MXI1: variants seen among roughly 807,000 people sequenced by gnomAD.
MXI1 encodes the protein MAX interactor 1, dimerization protein, also known as max-interacting protein 1.
A neutral mutation model predicts 36.9 loss-of-function variants in MXI1; 18 were observed. The observed-to-expected ratio is 0.49, with a 90% CI of 0.34 to 0.72. MXI1 has a LOEUF of 0.72. MXI1 is among the 30% of genes least tolerant of loss of function. The probability of loss-of-function intolerance (pLI) is 0.01; values close to 1 mark genes in which losing one functional copy is unlikely to be tolerated. For synonymous variants in MXI1, 160 were observed against 146.7 expected (o/e 1.09, Z -0.65); for missense variants, 304 against 379.1 (o/e 0.80, Z 1.64).
At chr10:110,260,416 GGT>G (rs151334728) in intron 3 of MXI1, among the ~76,000 whole-genome samples, 37,379 of 144,096 alleles carry the variant, frequency 0.26, 5,371 homozygotes, top group Non-Finnish European at 0.34. Context: ...CCTTGATACA[GGT>G]GTGTGTGTGT....
intron 3 of MXI1, among the ~76,000 whole-genome samples, chr10:110,260,172 G>C (rs1272655523): frequency 6.6e-6 from 1 of 152,008 alleles, no homozygotes; most frequent in Non-Finnish European, 1.5e-5. Flanking sequence ...CGTACCAGAA[G>C]TCAGAAGACA....
At chr10:110,265,893 C>T (rs1384775648) in intron 3 of MXI1, among the ~76,000 whole-genome samples, 1 of 152,092 alleles carries the variant, frequency 6.6e-6, no homozygotes, top group East Asian at 1.9e-4. Context: ...AAAGGGCTTT[C>T]AGGAGAAACA....
chr10:110,268,113 A>G (rs1037053656), intron 3 of MXI1, among the ~76,000 whole-genome samples: 8 of 152,204 alleles, frequency 5.3e-5, no homozygotes, highest in Admixed American at 1.3e-4. Context: ...GAGCCACACA[A>G]CCTGCCTGAT....
At chr10:110,261,231 C>A (rs1321430124) in intron 3 of MXI1, 4 of 712,102 alleles carry the variant, frequency 5.6e-6, no homozygotes, top group African/African-American at 3.9e-5. Context: ...GATAATCTGC[C>A]AAGCCCCATT....
chr10:110,225,313 A>G (rs1330246049), intron 1 of MXI1, among the ~76,000 whole-genome samples: 1 of 152,186 alleles, frequency 6.6e-6, no homozygotes, highest in Non-Finnish European at 1.5e-5. Context: ...GTTCCGCACC[A>G]GGGAGAATTT....
At chr10:110,283,411 G>A (rs181081745) in intron 5 of MXI1, among the ~76,000 whole-genome samples, 6 of 152,058 alleles carry the variant, frequency 3.9e-5, no homozygotes, top group East Asian at 1.9e-4. Context: ...CTATAGGCGC[G>A]TGCCACCATG....
chr10:110,278,565 T>A (rs1417028193), intron 3 of MXI1, among the ~76,000 whole-genome samples: 1 of 152,232 alleles, frequency 6.6e-6, no homozygotes, highest in Non-Finnish European at 1.5e-5. Context: ...TTTTGCTGTT[T>A]CTGTTGTATT....
intron 3 of MXI1, among the ~76,000 whole-genome samples, chr10:110,255,911 C>T (rs1856272354): frequency 6.6e-6 from 1 of 152,076 alleles, no homozygotes; most frequent in Admixed American, 6.6e-5. Flanking sequence ...TTCCTGATTT[C>T]AAATCTCACT....
intron 3 of MXI1, among the ~76,000 whole-genome samples, chr10:110,253,854 GAT>G (rs1856188277): frequency 6.6e-6 from 1 of 152,004 alleles, no homozygotes; most frequent in Admixed American, 6.6e-5. Context: ...TTCTCAACCT[GAT>G]AAACAGCATT....
At chr10:110,237,572 T>C (rs776422394) in intron 2 of MXI1, among the ~76,000 whole-genome samples, 5 of 152,196 alleles carry the variant, frequency 3.3e-5, no homozygotes, top group Non-Finnish European at 7.4e-5. Context: ...GCAGTACTGA[T>C]ACTAACAACA....
intron 3 of MXI1, among the ~76,000 whole-genome samples, chr10:110,263,339 A>T (rs1205485540): frequency 6.6e-6 from 1 of 152,184 alleles, no homozygotes; most frequent in Admixed American, 6.5e-5. Flanking sequence ...CTTCAAAGAG[A>T]ACAGTTTGTC....
chr10:110,246,747 T>C (rs935600864), intron 3 of MXI1, among the ~76,000 whole-genome samples: 1 of 152,198 alleles, frequency 6.6e-6, no homozygotes. Flanking sequence ...AGTTGAGTGG[T>C]CTAGTCAAAG....
chr10:110,228,081 CT>C, intron 1 of MXI1, 107 bp from the exon 2 acceptor site: 1 of 1,277,274 alleles, frequency 7.8e-7, no homozygotes, highest in Non-Finnish European at 1.1e-6. Flanking sequence ...CATTTTACCT[CT>C]TTTCCTGCTT....
chr10:110,280,409 G>A (rs778273048), intron 5 of MXI1, among the ~76,000 whole-genome samples: 29 of 151,756 alleles, frequency 1.9e-4, no homozygotes, highest in Middle Eastern at 6.8e-3. Flanking sequence ...TGTTGTGCCC[G>A]GTGGCTCATG....
chr10:110,233,407 A>G (rs1234183057), intron 2 of MXI1, among the ~76,000 whole-genome samples: 1 of 152,076 alleles, frequency 6.6e-6, no homozygotes, highest in Non-Finnish European at 1.5e-5. Flanking sequence ...GATTTTTTCC[A>G]GTAGTAATTT....
At chr10:110,271,086 C>G in intron 3 of MXI1, among the ~76,000 whole-genome samples, 1 of 138,884 alleles carries the variant, frequency 7.2e-6, no homozygotes, top group Admixed American at 7.1e-5. Flanking sequence ...AGTGAAACTA[C>G]GTCTCAAAAA....
At chr10:110,269,930 A>C (rs963268013) in intron 3 of MXI1, among the ~76,000 whole-genome samples, 2 of 152,198 alleles carry the variant, frequency 1.3e-5, no homozygotes, top group African/African-American at 4.8e-5. Flanking sequence ...ATGAACACCA[A>C]CAAAAGGCCA....
intron 3 of MXI1, among the ~76,000 whole-genome samples, chr10:110,278,820 C>T (rs185028561): frequency 6.6e-6 from 1 of 152,110 alleles, no homozygotes; most frequent in Admixed American, 6.5e-5. Context: ...AGCTGAAAAC[C>T]TCTCCTCTCG....
At chr10:110,254,877 A>G (rs1331903732) in intron 3 of MXI1, among the ~76,000 whole-genome samples, 1 of 152,202 alleles carries the variant, frequency 6.6e-6, no homozygotes, top group Non-Finnish European at 1.5e-5. Flanking sequence ...TCATCTCCAT[A>G]CAAAAGTACA....
Sources: allele counts gnomAD v4.1 joint callset (sites outside exome capture counted in the v4.1 genomes callset), GRCh38; gene constraint gnomAD v4.1.1; transcripts MANE v1.5; gene names NCBI Gene and HGNC (gene_info 2026-07-23, HGNC 2026-07-21).